TIMELESS: variants seen among roughly 807,000 people sequenced by gnomAD.
The protein encoded by TIMELESS is timeless circadian regulator, also known as protein timeless homolog.
In TIMELESS, 124 loss-of-function variants were observed where a neutral mutation model predicts 164.3. The observed-to-expected ratio is 0.75, with a 90% CI of 0.65 to 0.88. The LOEUF (loss-of-function observed/expected upper bound fraction) is 0.88, where lower values mean the gene tolerates loss of function less well. TIMELESS is among the 40% of genes least tolerant of loss of function. The pLI is 0.00. For synonymous variants in TIMELESS, 564 were observed against 563.4 expected, an observed-to-expected ratio of 1.00 and a Z score of -0.02; for missense variants, 1,422 against 1,491.4, an observed-to-expected ratio of 0.95 and a Z score of 0.77.
rs143238487 is a variant in TIMELESS, at chr12:56,423,147, A to G, written c.2292+127T>C. ...TGCAGCTCCCTCAACCTGCCTGTCT[A>G]CTTTCTCATTGTTTTCCCATCTCCC... On this transcript the variant is annotated intron_variant, in intron 18 of 28. Coordinates refer to ENST00000553532, the MANE Select transcript of TIMELESS (RefSeq NM_003920.5). 2.6e-5 allele frequency: 36 copies of G among 1,397,700 alleles called. No homozygotes were observed. In the East Asian group the frequency reaches 5.4e-4, roughly 21 times the overall value. 86.6% of individuals were successfully genotyped at this position (1,397,700 alleles called of 1,614,324 possible).
chr12:56,431,709 G>T, intron 7 of TIMELESS, 105 bp from the exon 8 acceptor site: 1 of 1,394,656 alleles, frequency 7.2e-7, no homozygotes, highest in Non-Finnish European at 9.5e-7. Context: ...CCCCATTAAT[G>T]GGGCATTGTG....
Position 56,428,235 on chromosome 12 carries a change from C to T in TIMELESS, c.1578+1G>A. 6.3e-7 allele frequency: 1 copy of T among 1,594,596 alleles called. No individual in the cohort carries two copies. Among genetic ancestry groups the T allele is most frequent in the South Asian group, 1.1e-5 (1 of 89,120 alleles). ...TTCTACATTGTGGGGCTGCCCAGTA[C>T]CTGCACCACCAGGTTCCCACGGCTC... On this transcript the variant is annotated splice_donor_variant, in intron 13 of 28. Transcript: ENST00000553532. LOFTEE classifies it high-confidence loss of function.
At chr12:56,448,333 G>A (rs1183560968) in intron 1 of TIMELESS, among the ~76,000 whole-genome samples, 1 of 152,072 alleles carries the variant, frequency 6.6e-6, no homozygotes, top group East Asian at 1.9e-4. Context: ...TTGAACTGGG[G>A]AGGCGGAGGT....
intron 1 of TIMELESS, among the ~76,000 whole-genome samples, chr12:56,438,782 A>G: frequency 1.3e-5 from 1 of 75,524 alleles, no homozygotes; most frequent in Non-Finnish European, 3.8e-5. Flanking sequence ...TGTCTCAAAA[A>G]AAAAAAAAAA....
rs994850406 is a variant in TIMELESS at position 56,417,395 on chromosome 12, G to A, written c.*321C>T. ...AGGAACAGACCAATAAAAGGGGTCC[G>A]GGGTGCTTTCTCTATTTCACTCACT... On this transcript the variant is annotated 3_prime_UTR_variant, in exon 29 of 29. Coordinates refer to ENST00000553532, the MANE Select transcript of TIMELESS (RefSeq NM_003920.5). 3 of 269,660 alleles carry A rather than the reference G, an allele frequency of 1.1e-5. No individual in the cohort carries two copies. The highest frequency in any genetic ancestry group is 4.7e-5 in the Admixed American group (1 of 21,172). The allele number at this position is 269,660 out of a possible 1,614,324, so 16.7% of individuals were successfully genotyped here. A position where few individuals can be genotyped will look rare whatever the true frequency, so the allele number is the denominator to read the frequency against.
intron 24 of TIMELESS, 21 bp from the exon 25 acceptor site, chr12:56,420,902 T>TA: frequency 6.2e-7 from 1 of 1,614,076 alleles, no homozygotes; most frequent in South Asian, 1.1e-5. Flanking sequence ...GAGGGAAACT[T>TA]ACATTTGACC....
intron 1 of TIMELESS, among the ~76,000 whole-genome samples, chr12:56,447,021 T>A (rs139475928): frequency 1.3e-4 from 19 of 151,530 alleles, no homozygotes; most frequent in Admixed American, 2.6e-4. Context: ...TTATTTTTTT[T>A]TTTTTTGGAG....
At chr12:56,432,660 C>G (rs1465431237) in intron 6 of TIMELESS, 136 bp from the exon 7 acceptor site, 2 of 1,264,810 alleles carry the variant, frequency 1.6e-6, no homozygotes, top group African/African-American at 3.0e-5. Flanking sequence ...AAAAGGGCAG[C>G]TTGGCCGGGC....
At chr12:56,418,871 T>C (rs1387265434) in intron 26 of TIMELESS, among the ~76,000 whole-genome samples, 2 of 151,094 alleles carry the variant, frequency 1.3e-5, no homozygotes, top group African/African-American at 4.9e-5. Context: ...CTGGCTATAG[T>C]TGTCAATTGA....
Position 56,433,832 on chromosome 12 carries a change from G to A in TIMELESS, c.192C>T (p.Asp64=). The change falls in exon 3 of 29, where the codon GAC becomes GAT. Residue 64 remains aspartate, a synonymous_variant. Transcript: ENST00000553532. ...QLGAAQILQS[D]LLPILTQHHQ... Reference sequence around the variant, plus strand: ...GGTGCTGGGTGAGGATGGGCAGAAGGTCGCTCTGTAGGATCTGGGCTGCCC... The same window carrying A: ...GGTGCTGGGTGAGGATGGGCAGAAGATCGCTCTGTAGGATCTGGGCTGCCC... The A allele has an allele frequency of 6.2e-7, 1 of 1,614,172 alleles. No individual in the cohort carries two copies. The highest frequency in any genetic ancestry group is 8.5e-7 in the Non-Finnish European group (1 of 1,180,034).
intron 15 of TIMELESS, 66 bp downstream of exon 15, chr12:56,424,696 C>T (rs945874834): frequency 3.1e-5 from 49 of 1,558,130 alleles, no homozygotes; most frequent in Non-Finnish European, 3.9e-5. Context: ...ACTGAGAACA[C>T]TGTACCGCAG....
intron 10 of TIMELESS, 104 bp from the exon 11 acceptor site, chr12:56,429,204 T>TA: frequency 2.9e-6 from 1 of 348,976 alleles, no homozygotes; most frequent in East Asian, 1.0e-4. Context: ...ACCGTCATAA[T>TA]TTTTTTTTTT....
At position 56,422,194 on chromosome 12, in the gene TIMELESS, G is replaced by A. The variant is rs1178834832; in HGVS notation, c.2439-3C>T. 6.2e-6 allele frequency: 10 copies of A among 1,613,656 alleles called. No homozygotes were observed. Among genetic ancestry groups the A allele is most frequent in the Middle Eastern group, 1.7e-4 (1 of 5,880 alleles). ...TAGGTGCTCTGCGACTGGAAGACCTGAATGGTGAAAGGAGAAAGGGAGCAT... is the reference window on the plus strand; with the variant it reads ...TAGGTGCTCTGCGACTGGAAGACCTAAATGGTGAAAGGAGAAAGGGAGCAT... On this transcript the variant is annotated splice_region_variant and splice_polypyrimidine_tract_variant and intron_variant, in intron 19 of 28. Coordinates refer to ENST00000553532, the MANE Select transcript of TIMELESS (RefSeq NM_003920.5).
chr12:56,431,394 C>T lies in TIMELESS; in HGVS notation c.821+77G>A, dbSNP rs998709982. On this transcript the variant is annotated intron_variant, in intron 8 of 28. Coordinates refer to ENST00000553532, the MANE Select transcript of TIMELESS (RefSeq NM_003920.5). ...AAAACACTAAAATGTTGTTCAATCA[C>T]CCCACCTTAGAATTTGCCTTCTATG... The T allele has an allele frequency of 7.4e-6, 10 of 1,358,106 alleles. No homozygotes were observed. In the African/African-American group the frequency reaches 1.3e-4, roughly 18 times the overall value. The allele number at this position is 1,358,106 out of a possible 1,614,324, so 84.1% of individuals were successfully genotyped here.
Position 56,420,607 on chromosome 12 carries a change from A to G in TIMELESS, c.3190T>C (p.Leu1064=), listed in dbSNP as rs267603583. Residue 1064 remains leucine, a synonymous_variant, in exon 26 of 29, where the codon TTG becomes CTG. Transcript: ENST00000553532. ...GGGGGCCGAACCCCTAGCTTGCGCA[A>G]CAGCTGCTGAAACTGTTCGTTTTCC... is the stretch of plus-strand genomic sequence containing the variant. The part of the protein sequence containing the change: ...AMENEQFQQL[L]RKLGVRPPAS... 2 of 1,614,244 alleles carry G rather than the reference A, an allele frequency of 1.2e-6. No individual in the cohort carries two copies. Among genetic ancestry groups the G allele is most frequent in the East Asian group, 2.2e-5 (1 of 44,884 alleles).
intron 1 of TIMELESS, among the ~76,000 whole-genome samples, chr12:56,440,965 G>A (rs1009491316): frequency 6.7e-6 from 1 of 148,602 alleles, no homozygotes; most frequent in Admixed American, 6.7e-5. Context: ...TTACAGGCCT[G>A]TGCCACCATG....
chr12:56,418,359 C>G lies in TIMELESS; in HGVS notation c.3229G>C (p.Glu1077Gln). 3.1e-6 allele frequency: 5 copies of G among 1,596,154 alleles called. No individual in the cohort carries two copies. The highest frequency in any genetic ancestry group is 3.4e-6 in the Non-Finnish European group (4 of 1,172,848). ...TTGGCTGGAATTCGCCAGAAGGTTT[C>G]CTACAGGGGCCAAAAAGTTGAAAAG... ...LGVRPPASGQ[E>Q]TFWRIPAKLS... The change falls in exon 27 of 29, where the codon GAA (glutamate) becomes CAA (glutamine). Residue 1077 changes from glutamate to glutamine, a missense_variant and splice_region_variant. Transcript: ENST00000553532.
At chr12:56,444,724 A>AG (rs555491076) in intron 1 of TIMELESS, among the ~76,000 whole-genome samples, 26 of 148,606 alleles carry the variant, frequency 1.7e-4, no homozygotes, top group Non-Finnish European at 3.5e-4. Context: ...GCTCATCTTA[A>AG]GGGGGGAAAA....
intron 1 of TIMELESS, among the ~76,000 whole-genome samples, chr12:56,447,163 C>G (rs1350862453): frequency 2.8e-5 from 4 of 144,396 alleles, no homozygotes; most frequent in Non-Finnish European, 6.0e-5. Context: ...GAAAATGCCA[C>G]CATACCCAGC....
Sources: allele counts gnomAD v4.1 joint callset (sites outside exome capture counted in the v4.1 genomes callset), GRCh38; gene constraint gnomAD v4.1.1; transcripts MANE v1.5; gene names NCBI Gene and HGNC (gene_info 2026-07-23, HGNC 2026-07-21).